PLEKHF2: variants seen among roughly 807,000 people sequenced by gnomAD.
PLEKHF2 encodes pleckstrin homology and FYVE domain containing 2.
A neutral mutation model predicts 14.7 loss-of-function variants in PLEKHF2; 4 were observed. That is an observed-to-expected ratio of 0.27 (90% CI 0.13 to 0.62). The LOEUF is 0.62. PLEKHF2 is among the 20% of genes least tolerant of loss of function. The pLI is 0.85. For missense variants in PLEKHF2, 201 were observed against 307.7 expected (o/e 0.65, Z 2.60); for synonymous variants, 90 against 103.5 (o/e 0.87, Z 0.79).
chr8:95,151,151 G>A (rs1263580084), intron 1 of PLEKHF2, among the ~76,000 whole-genome samples: 2 of 151,838 alleles, frequency 1.3e-5, no homozygotes, highest in Non-Finnish European at 2.9e-5. Flanking sequence ...CTTCTTTGGG[G>A]GACAATAAAA....
intron 1 of PLEKHF2, among the ~76,000 whole-genome samples, chr8:95,151,515 C>T (rs1372644828): frequency 6.6e-6 from 1 of 151,518 alleles, no homozygotes. Context: ...CCTTTCCTGA[C>T]CATGTAGTCT....
In PLEKHF2 at chr8:95,154,571, G is replaced by A. The variant is rs1308437047; in HGVS notation, c.527G>A (p.Arg176His). 2.5e-6 allele frequency: 4 copies of A among 1,613,964 alleles called. No individual in the cohort carries two copies. The highest frequency in any genetic ancestry group is 3.3e-5 in the Admixed American group (2 of 59,990). ...FTPVNRRHHC[R>H]KCGFVVCGPC... ...CCTGTTAATCGTCGCCACCATTGCCGCAAATGTGGTTTTGTTGTCTGTGGG... is the reference window on the plus strand; with the variant it reads ...CCTGTTAATCGTCGCCACCATTGCCACAAATGTGGTTTTGTTGTCTGTGGG... The change falls in exon 2 of 2, where the codon CGC becomes CAC. Residue 176 changes from arginine (R) to histidine (H), a missense_variant. Transcript: ENST00000315367. This position sits in a 1 kb window ranked among gnomAD's most constrained non-coding sequence, Gnocchi z 5.6.
At chr8:95,145,237 A>G (rs1045284109) in intron 1 of PLEKHF2, among the ~76,000 whole-genome samples, 2 of 152,146 alleles carry the variant, frequency 1.3e-5, no homozygotes, top group Admixed American at 6.5e-5. Context: ...TAAAATTAAC[A>G]TATGAAAGTT....
intron 1 of PLEKHF2, among the ~76,000 whole-genome samples, chr8:95,142,405 C>T (rs1198775870): frequency 1.3e-5 from 2 of 152,088 alleles, no homozygotes; most frequent in Non-Finnish European, 2.9e-5. Flanking sequence ...CAAGTGCACA[C>T]CGCCACACCT....
chr8:95,153,256 C>T (rs1197032509), intron 1 of PLEKHF2, among the ~76,000 whole-genome samples: 2 of 151,952 alleles, frequency 1.3e-5, no homozygotes, highest in African/African-American at 2.4e-5. Context: ...GGAGGAGACA[C>T]GATTACCTAA....
In PLEKHF2 at chr8:95,145,482, G is replaced by A. The variant is rs1049523177; in HGVS notation, c.-14-8549G>A. ...TGAGATGGAGTGTTGCTCTGTCACC[G>A]AGGCTCACTCAGCTCACTGCCAGCT... On this transcript the variant is annotated intron_variant, in intron 1 of 1. Transcript: ENST00000315367. 2.7e-5 allele frequency among the ~76,000 whole-genome samples: 4 copies of A among 150,352 alleles called. No homozygotes were observed. In the South Asian group the frequency reaches 6.4e-4, roughly 24 times the overall value.
chr8:95,153,960 A>C lies in PLEKHF2; in HGVS notation c.-14-71A>C, dbSNP rs7833074. 1,938 of 1,163,444 alleles carry C rather than the reference A, an allele frequency of 1.7e-3. 24 individuals are homozygous for C. The African/African-American group carries it at 0.028, about 17-fold the overall frequency. 72.1% of individuals were successfully genotyped at this position (1,163,444 alleles called of 1,614,324 possible). Reference sequence around the variant, plus strand: ...TGTAAAAGCAATGATTTGTTAGCTTAATTTATATATAATTAACTTATAGGA... The same window carrying C: ...TGTAAAAGCAATGATTTGTTAGCTTCATTTATATATAATTAACTTATAGGA... On this transcript the variant is annotated intron_variant, in intron 1 of 1. Transcript: ENST00000315367.
intron 1 of PLEKHF2, among the ~76,000 whole-genome samples, chr8:95,145,838 T>C (rs976924871): frequency 2.0e-5 from 3 of 152,242 alleles, no homozygotes; most frequent in African/African-American, 7.2e-5. Flanking sequence ...AGAACTGTCT[T>C]GTCCCTTGCA....
chr8:95,134,854 A>G (rs774092195), intron 1 of PLEKHF2, among the ~76,000 whole-genome samples: 1 of 152,152 alleles, frequency 6.6e-6, no homozygotes, highest in Non-Finnish European at 1.5e-5. Context: ...TACGTTGCTG[A>G]AGAGACTCAT....
At chr8:95,152,724 AC>A (rs1475935150) in intron 1 of PLEKHF2, among the ~76,000 whole-genome samples, 4 of 152,034 alleles carry the variant, frequency 2.6e-5, no homozygotes, top group Non-Finnish European at 5.9e-5. Context: ...CTTTATAAGG[AC>A]CCAAGATTTG....
chr8:95,154,326 A>T lies in PLEKHF2; in HGVS notation c.282A>T (p.Gly94=). 1 of 1,614,114 alleles carries T rather than the reference A, an allele frequency of 6.2e-7. No individual in the cohort carries two copies. The change falls in exon 2 of 2, where the codon GGA becomes GGT. Residue 94 remains glycine, a synonymous_variant. Transcript: ENST00000315367. This position sits in a 1 kb window ranked among gnomAD's most constrained non-coding sequence, Gnocchi z 5.6. ...CTATTGATTCCATCAAAGATGAGGG[A>T]GACTTAAGGAATGGATGGCTAATCA... ...NVTIDSIKDE[G]DLRNGWLIKT... is the part of the protein sequence containing the mutation.
chr8:95,146,666 T>C (rs1810504075), intron 1 of PLEKHF2, among the ~76,000 whole-genome samples: 1 of 152,112 alleles, frequency 6.6e-6, no homozygotes, highest in South Asian at 2.1e-4. Context: ...TTGTCTGTAG[T>C]GTGAAGAAGA....
At chr8:95,144,889 G>GA (rs1186766010) in intron 1 of PLEKHF2, among the ~76,000 whole-genome samples, 159 of 135,666 alleles carry the variant, frequency 1.2e-3, no homozygotes, top group Middle Eastern at 3.8e-3. Context: ...AAAAAACCCA[G>GA]AAAAAAAAAC....
intron 1 of PLEKHF2, among the ~76,000 whole-genome samples, chr8:95,142,068 A>G (rs945189121): frequency 1.1e-4 from 17 of 152,010 alleles, no homozygotes; most frequent in Admixed American, 1.1e-3. Flanking sequence ...CTTGTGGCGT[A>G]TATCTTATTT....
chr8:95,153,097 T>G (rs1057014033), intron 1 of PLEKHF2, among the ~76,000 whole-genome samples: 1 of 152,138 alleles, frequency 6.6e-6, no homozygotes, highest in Non-Finnish European at 1.5e-5. Context: ...AACAAAACTA[T>G]CAGATGATCT....
At chr8:95,135,904 C>T (rs1563880684) in intron 1 of PLEKHF2, among the ~76,000 whole-genome samples, 1 of 152,132 alleles carries the variant, frequency 6.6e-6, no homozygotes, top group East Asian at 1.9e-4. Flanking sequence ...ACTTATTTCC[C>T]AGCGAGCTGA....
intron 1 of PLEKHF2, among the ~76,000 whole-genome samples, chr8:95,140,888 A>G (rs1295932143): frequency 6.6e-6 from 1 of 151,986 alleles, no homozygotes; most frequent in Admixed American, 6.6e-5. Flanking sequence ...TTAATTGTAT[A>G]CCTCAGTTTA....
chr8:95,152,483 TTAATA>T (rs1810574079), intron 1 of PLEKHF2, among the ~76,000 whole-genome samples: 1 of 152,114 alleles, frequency 6.6e-6, no homozygotes, highest in Non-Finnish European at 1.5e-5. Flanking sequence ...ATACTAATGT[TTAATA>T]TAATTTCTTT....
chr8:95,145,517 G>A (rs926872201), intron 1 of PLEKHF2, among the ~76,000 whole-genome samples: 8 of 151,340 alleles, frequency 5.3e-5, no homozygotes, highest in Non-Finnish European at 1.2e-4. Context: ...TCCACTTCTC[G>A]GGTTCAAGCC....
Sources: gnomAD v4.1 joint callset for allele counts (sites outside exome capture counted in the v4.1 genomes callset) on GRCh38, gnomAD v4.1.1 for gene constraint, Gnocchi (gnomAD v3.1) non-coding constraint, MANE v1.5 for transcripts, NCBI Gene and HGNC (gene_info 2026-07-23, HGNC 2026-07-21) for gene names.